PTK2: variants seen among roughly 807,000 people sequenced by gnomAD.
PTK2 encodes the protein protein tyrosine kinase 2.
PTK2 carries 45 observed loss-of-function variants against 150.1 expected under a neutral mutation model. The observed-to-expected ratio is 0.30, with a 90% CI of 0.24 to 0.38. PTK2 has a LOEUF of 0.38. Among genes scored for constraint, PTK2 ranks in the 10% least tolerant of loss-of-function variants. The probability of loss-of-function intolerance (pLI) is 1.00; values close to 1 mark genes in which losing one functional copy is unlikely to be tolerated. For synonymous variants in PTK2, 432 were observed against 449.2 expected (o/e 0.96, Z 0.48); for missense variants, 919 against 1,307.3 (o/e 0.70, Z 4.58).
chr8:140,802,307 A>C (rs186545341), intron 11 of PTK2, among the ~76,000 whole-genome samples: 2 of 152,310 alleles, frequency 1.3e-5, no homozygotes, highest in Non-Finnish European at 2.9e-5. Flanking sequence ...TTTAACAAAA[A>C]AGCTGAAAAA....
At chr8:140,946,484 T>C (rs1569359536) in intron 1 of PTK2, among the ~76,000 whole-genome samples, 1 of 152,122 alleles carries the variant, frequency 6.6e-6, no homozygotes, top group East Asian at 1.9e-4. Flanking sequence ...GATGGAGCAA[T>C]GACTAGTAAA....
At position 140,681,266 on chromosome 8, in the gene PTK2, T is replaced by C. The variant is rs184290783; in HGVS notation, c.2562+5366A>G. 2.1e-4 allele frequency among the ~76,000 whole-genome samples: 31 copies of C among 149,902 alleles called. 1 individual carries two copies. The highest frequency in any genetic ancestry group is 7.4e-4 in the African/African-American group (30 of 40,556). On this transcript the variant is annotated intron_variant, in intron 27 of 31. Coordinates refer to ENST00000522684, the Ensembl canonical transcript of PTK2. ...TACTTGGGAGGCTGAGGCAGGAGAA[T>C]CTCTTGAGCCCGGTAAGCAGAAGAT...
chr8:140,893,525 A>G (rs993844880), intron 2 of PTK2, among the ~76,000 whole-genome samples: 1 of 152,222 alleles, frequency 6.6e-6, no homozygotes, highest in African/African-American at 2.4e-5. Context: ...TTATACTACA[A>G]GGAAACCAGA....
At chr8:140,802,415 AAATT>A (rs1364982535) in intron 11 of PTK2, among the ~76,000 whole-genome samples, 3 of 152,236 alleles carry the variant, frequency 2.0e-5, no homozygotes, top group Admixed American at 6.5e-5. Flanking sequence ...AATATATTTA[AAATT>A]AATTGTTATT....
At chr8:140,827,732 C>T (rs1255723685) in intron 8 of PTK2, among the ~76,000 whole-genome samples, 1 of 152,126 alleles carries the variant, frequency 6.6e-6, no homozygotes, top group Non-Finnish European at 1.5e-5. Context: ...GTAGGATTTA[C>T]CAAATGTTAC....
At chr8:140,658,916 CAA>C in exon 32 of PTK2, 1 of 225,882 alleles carries the variant, frequency 4.4e-6, no homozygotes, top group Non-Finnish European at 8.8e-6. Context: ...TGAAATAACT[CAA>C]GTCTTCAAAA....
At chr8:140,890,081 C>A (rs2100153709) in intron 3 of PTK2, among the ~76,000 whole-genome samples, 1 of 152,190 alleles carries the variant, frequency 6.6e-6, no homozygotes, top group Non-Finnish European at 1.5e-5. Context: ...TTCACAGGGA[C>A]CTTTTACATC....
chr8:140,915,818 C>T (rs2100165016), intron 2 of PTK2, among the ~76,000 whole-genome samples: 1 of 152,158 alleles, frequency 6.6e-6, no homozygotes, highest in Admixed American at 6.6e-5. Flanking sequence ...AGGAGAATCA[C>T]TTGAACCTGG....
Position 140,808,429 on chromosome 8 carries a change from A to G in PTK2, c.868-4779T>C, listed in dbSNP as rs190419156. ...CCAATCTTGCTTTCTTCTACTTTAT[A>G]TAACTAATACCTCTTATTTCATAGG... On this transcript the variant is annotated intron_variant, in intron 10 of 31. Transcript: ENST00000522684. Among the ~76,000 whole-genome samples the G allele has an allele frequency of 5.6e-3, 846 of 152,330 alleles. 4 individuals carry two copies. The highest frequency in any genetic ancestry group is 1.0e-2 in the Non-Finnish European group (680 of 68,016).
At chr8:140,977,419 C>T (rs960754697) in intron 1 of PTK2, among the ~76,000 whole-genome samples, 4 of 152,024 alleles carry the variant, frequency 2.6e-5, no homozygotes, top group Admixed American at 1.3e-4. Flanking sequence ...GTCAGGAGAT[C>T]GAGACCATCC....
At chr8:140,693,274 C>A (rs1288022831) in intron 26 of PTK2, among the ~76,000 whole-genome samples, 1 of 151,990 alleles carries the variant, frequency 6.6e-6, no homozygotes, top group Non-Finnish European at 1.5e-5. Context: ...GAGTGTGGGG[C>A]CAGGCGTGGT....
intron 1 of PTK2, among the ~76,000 whole-genome samples, chr8:140,994,071 T>C (rs1456689292): frequency 6.6e-6 from 1 of 152,164 alleles, no homozygotes; most frequent in Non-Finnish European, 1.5e-5. Context: ...CTGAAAAAAG[T>C]GAATTTATAG....
chr8:140,674,309 C>T lies in PTK2; in HGVS notation c.2698G>A (p.Glu900Lys), dbSNP rs575152000. The change falls in exon 29 of 32, where the codon GAG becomes AAG. Residue 900 changes from glutamate (E) to lysine (K), a missense_variant. Around this residue, in one of 3 missense-constraint regions of PTK2, gnomAD observed 258 missense variants for 265.4 expected, o/e 0.97. Transcript: ENST00000522684. ...GCTCAGATGCCCACCTTGACACCCTCGTTGTAGCTGTCAGCAGGGCTGCTG... is the reference window on the plus strand; with the variant it reads ...GCTCAGATGCCCACCTTGACACCCTTGTTGTAGCTGTCAGCAGGGCTGCTG... 1.2e-5 allele frequency: 19 copies of T among 1,605,042 alleles called. No individual in the cohort carries two copies. The highest frequency in any genetic ancestry group is 1.1e-4 in the East Asian group (5 of 44,624).
At chr8:140,811,218 A>C (rs1009642490) in intron 10 of PTK2, among the ~76,000 whole-genome samples, 1 of 152,174 alleles carries the variant, frequency 6.6e-6, no homozygotes. Context: ...GTGGATTCCT[A>C]ACCTCCAGGA....
intron 18 of PTK2, among the ~76,000 whole-genome samples, chr8:140,745,794 G>A (rs1334224216): frequency 6.6e-6 from 1 of 152,076 alleles, no homozygotes; most frequent in East Asian, 1.9e-4. Flanking sequence ...GAGGTCAGGG[G>A]TTCGAGACCA....
rs76386010 is a variant in PTK2 at position 140,839,016 on chromosome 8, C to CA, written c.593+7243dup. On this transcript the variant is annotated intron_variant, in intron 7 of 31. Coordinates refer to ENST00000522684, the Ensembl canonical transcript of PTK2. ...TGAGACTCCGTCTCAAAAAAAAAAA[C>CA]AAAAAAAAAACTTATAAGTAAAAGT... 5.1e-3 allele frequency among the ~76,000 whole-genome samples: 728 copies of CA among 142,470 alleles called. 3 individuals carry two copies. The highest frequency in any genetic ancestry group is 0.016 in the African/African-American group (610 of 38,808). The allele number at this position is 142,470 out of a possible 152,430, so 93.5% of individuals were successfully genotyped here. A position where few individuals can be genotyped will look rare whatever the true frequency, so the allele number is the denominator to read the frequency against.
intron 14 of PTK2, among the ~76,000 whole-genome samples, chr8:140,770,262 T>C (rs747324315): frequency 9.9e-5 from 15 of 152,228 alleles, no homozygotes; most frequent in Non-Finnish European, 1.5e-4. Context: ...CCAAATGGCA[T>C]AGCTGCCTCT....
intron 5 of PTK2, among the ~76,000 whole-genome samples, chr8:140,860,929 A>C (rs2100135706): frequency 6.6e-6 from 1 of 152,244 alleles, no homozygotes; most frequent in African/African-American, 2.4e-5. Context: ...CCATGACTAT[A>C]CTTTCTTTTA....
chr8:140,797,266 T>G (rs781618748), intron 12 of PTK2, among the ~76,000 whole-genome samples: 1 of 152,204 alleles, frequency 6.6e-6, no homozygotes, highest in East Asian at 1.9e-4. Context: ...TACATTCCTC[T>G]TTTTTATACT....
Sources: gnomAD v4.1 joint callset for allele counts (sites outside exome capture counted in the v4.1 genomes callset) on GRCh38, gnomAD v4.1.1 for gene constraint, gnomAD v4.1.1 regional missense constraint, MANE v1.5 for transcripts, NCBI Gene and HGNC (gene_info 2026-07-23, HGNC 2026-07-21) for gene names.